Variants in NELL1 observed in about 807,000 individuals in gnomAD.
NELL1 encodes neural EGFL like 1.
Under a neutral mutation model 107.4 loss-of-function variants are expected in NELL1, and 76 were observed. That is an observed-to-expected ratio of 0.71 (90% CI 0.59 to 0.86). NELL1 has a LOEUF of 0.86. Ranked by LOEUF, NELL1 falls within the 40% of genes least tolerant of loss-of-function variation. NELL1 has a pLI of 0.00. For missense variants in NELL1, 1,024 were observed against 1,005.5 expected (o/e 1.02, Z -0.25); for synonymous variants, 353 against 341.2 (o/e 1.03, Z -0.38).
At chr11:21,095,086 G>A (rs1854609573) in intron 12 of NELL1, among the ~76,000 whole-genome samples, 2 of 152,166 alleles carry the variant, frequency 1.3e-5, no homozygotes, top group Non-Finnish European at 2.9e-5. Flanking sequence ...ATGCTTTGCT[G>A]CTTAGAAATT....
rs1486121226 is a variant in NELL1 at position 20,678,188 on chromosome 11, G to A, written c.184+128G>A. ...TTTCTCTTGTGTTGCTGTCTTGAGT[G>A]TTTAGATATGCAGGGGGTATTATTC... On this transcript the variant is annotated intron_variant, in intron 2 of 19. Transcript: ENST00000357134. 15 of 1,013,368 alleles carry A rather than the reference G, an allele frequency of 1.5e-5. No homozygotes were observed. In the African/African-American group the frequency reaches 1.6e-4, roughly 11 times the overall value. 62.8% of individuals were successfully genotyped at this position (1,013,368 alleles called of 1,614,324 possible).
chr11:20,718,163 A>C (rs1855296736), intron 2 of NELL1, among the ~76,000 whole-genome samples: 1 of 152,228 alleles, frequency 6.6e-6, no homozygotes, highest in Non-Finnish European at 1.5e-5. Flanking sequence ...ATTCCAGAGC[A>C]GCATTATCCA....
chr11:21,367,538 CTT>C (rs1282337607), intron 14 of NELL1, among the ~76,000 whole-genome samples: 2 of 152,054 alleles, frequency 1.3e-5, no homozygotes, highest in Non-Finnish European at 2.9e-5. Context: ...ACTGCAGCAT[CTT>C]TAGAATCTAG....
intron 14 of NELL1, among the ~76,000 whole-genome samples, chr11:21,236,252 T>TATG (rs1858203950): frequency 6.6e-6 from 1 of 152,210 alleles, no homozygotes; most frequent in Non-Finnish European, 1.5e-5. Flanking sequence ...TTCAATGTAT[T>TATG]ATGTCTTGTT....
At chr11:20,906,094 C>T (rs983247459) in intron 5 of NELL1, among the ~76,000 whole-genome samples, 2 of 152,088 alleles carry the variant, frequency 1.3e-5, no homozygotes, top group African/African-American at 4.8e-5. Flanking sequence ...GTAAATTTAT[C>T]ATCAGAAACC....
chr11:21,095,499 T>A (rs564185957), intron 12 of NELL1, among the ~76,000 whole-genome samples: 1 of 152,318 alleles, frequency 6.6e-6, no homozygotes, highest in Admixed American at 6.5e-5. Context: ...GAGAAAGACA[T>A]ACCAGAGACT....
At chr11:20,798,782 A>C (rs565222629) in intron 3 of NELL1, among the ~76,000 whole-genome samples, 1 of 152,308 alleles carries the variant, frequency 6.6e-6, no homozygotes, top group African/African-American at 2.4e-5. Context: ...TATCCATGAG[A>C]CCAGACAGGT....
At chr11:20,845,592 G>A (rs552516846) in intron 3 of NELL1, among the ~76,000 whole-genome samples, 4 of 152,124 alleles carry the variant, frequency 2.6e-5, no homozygotes, top group Non-Finnish European at 4.4e-5. Context: ...TTCTATACAG[G>A]TGCTAAATGG....
Position 20,680,247 on chromosome 11 carries a change from A to G in NELL1, c.184+2187A>G, listed in dbSNP as rs1369188048. 3.3e-5 allele frequency among the ~76,000 whole-genome samples: 5 copies of G among 152,054 alleles called. No individual in the cohort carries two copies. The East Asian group carries it at 9.6e-4, about 29-fold the overall frequency. ...AATTAGCACCTGGACATTTTTGGGGAGCCATTATTTTGTTTGCCACAAAGT... is the reference window on the plus strand; with the variant it reads ...AATTAGCACCTGGACATTTTTGGGGGGCCATTATTTTGTTTGCCACAAAGT... On this transcript the variant is annotated intron_variant, in intron 2 of 19. Transcript: ENST00000357134.
At chr11:21,570,993 A>C (rs916090486) in intron 18 of NELL1, 53 bp downstream of exon 18, 5 of 1,546,126 alleles carry the variant, frequency 3.2e-6, no homozygotes, top group African/African-American at 1.4e-5. Flanking sequence ...AAGAGGTTAC[A>C]AATTCAGTTG....
At chr11:20,820,777 C>T (rs985906952) in intron 3 of NELL1, among the ~76,000 whole-genome samples, 6 of 152,178 alleles carry the variant, frequency 3.9e-5, no homozygotes, top group Non-Finnish European at 8.8e-5. Flanking sequence ...GACCTCCTTT[C>T]ACAGATTTAC....
chr11:21,130,330 G>A lies in NELL1; in HGVS notation c.1426+16616G>A, dbSNP rs570666182. Among the ~76,000 whole-genome samples the A allele has an allele frequency of 6.6e-5, 10 of 152,218 alleles. No individual in the cohort carries two copies. The South Asian group carries it at 8.3e-4, about 13-fold the overall frequency. On this transcript the variant is annotated intron_variant, in intron 13 of 19. Coordinates refer to ENST00000357134, the MANE Select transcript of NELL1 (RefSeq NM_006157.5). ...GGCTGTCTTCCTAAGAGATGAGGAC[G>A]ATAGAAGTCTGGCTATGGGATCTAA... is the stretch of plus-strand genomic sequence containing the variant.
chr11:21,136,292 G>C lies in NELL1; in HGVS notation c.1426+22578G>C, dbSNP rs531151330. On this transcript the variant is annotated intron_variant, in intron 13 of 19. Coordinates refer to ENST00000357134, the MANE Select transcript of NELL1 (RefSeq NM_006157.5). ...GAAGGCAGCCATGCCTGTTGTGAGG[G>C]GGGTGGGTAATGAGGTTGGAGTAAT... Among the ~76,000 whole-genome samples, 177 of 152,306 alleles carry C rather than the reference G, an allele frequency of 1.2e-3. 1 individual carries two copies. Among genetic ancestry groups the C allele is most frequent in the Non-Finnish European group, 2.0e-3 (138 of 68,032 alleles).
At chr11:20,831,280 A>T (rs1448175109) in intron 3 of NELL1, among the ~76,000 whole-genome samples, 1 of 152,194 alleles carries the variant, frequency 6.6e-6, no homozygotes, top group Non-Finnish European at 1.5e-5. Context: ...CCTGGGGCTT[A>T]CTAGAAATGC....
chr11:20,897,767 A>G (rs1431329272), intron 5 of NELL1, among the ~76,000 whole-genome samples: 1 of 152,280 alleles, frequency 6.6e-6, no homozygotes, highest in Non-Finnish European at 1.5e-5. Flanking sequence ...GTATATGGAT[A>G]GACACTTCTT....
intron 15 of NELL1, among the ~76,000 whole-genome samples, chr11:21,407,555 C>G (rs1322051974): frequency 6.6e-6 from 1 of 151,824 alleles, no homozygotes; most frequent in Non-Finnish European, 1.5e-5. Context: ...AATTATTTAC[C>G]AAGTTTATTC....
chr11:21,082,223 C>T (rs757090404), intron 12 of NELL1, among the ~76,000 whole-genome samples: 3 of 152,130 alleles, frequency 2.0e-5, no homozygotes, highest in Non-Finnish European at 4.4e-5. Flanking sequence ...TCCTAGAGGG[C>T]TCCATTCAGG....
At chr11:21,304,905 A>G (rs1849575962) in intron 14 of NELL1, among the ~76,000 whole-genome samples, 1 of 152,002 alleles carries the variant, frequency 6.6e-6, no homozygotes, top group Non-Finnish European at 1.5e-5. Flanking sequence ...GGAAGTAAGG[A>G]TAGAAAATAT....
At chr11:21,035,123 A>G (rs1011969482) in intron 12 of NELL1, among the ~76,000 whole-genome samples, 5 of 152,154 alleles carry the variant, frequency 3.3e-5, no homozygotes, top group African/African-American at 1.2e-4. Context: ...TGGAAAATGT[A>G]GAAGAACTGG....
Sources: gnomAD v4.1 joint callset for allele counts (sites outside exome capture counted in the v4.1 genomes callset) on GRCh38, gnomAD v4.1.1 for gene constraint, MANE v1.5 for transcripts, NCBI Gene and HGNC (gene_info 2026-07-23, HGNC 2026-07-21) for gene names.